Variants in KMT2C observed in about 807,000 individuals in gnomAD.
KMT2C encodes the protein lysine methyltransferase 2C.
A neutral mutation model predicts 507.9 loss-of-function variants in KMT2C; 88 were observed. The ratio of observed to expected loss-of-function variants is 0.17; its 90% CI spans 0.15 to 0.21. The LOEUF is 0.21. Among genes scored for constraint, KMT2C ranks in the 10% least tolerant of loss-of-function variants. The pLI is 1.00. For synonymous variants in KMT2C, 2,049 were observed against 2,080.8 expected (o/e 0.98, Z 0.42); for missense variants, 4,954 against 5,957.8 (o/e 0.83, Z 5.55).
chr7:152,190,386 T>C (rs1009882893), intron 31 of KMT2C, among the ~76,000 whole-genome samples: 2 of 152,174 alleles, frequency 1.3e-5, no homozygotes, highest in Non-Finnish European at 2.9e-5. Context: ...CTTTTCCCAA[T>C]AGTAATATTA....
At chr7:152,203,531 T>C (rs2094207187) in intron 25 of KMT2C, among the ~76,000 whole-genome samples, 2 of 152,288 alleles carry the variant, frequency 1.3e-5, no homozygotes, top group Admixed American at 6.5e-5. Context: ...AAATTATTTG[T>C]AGGATATACA....
intron 11 of KMT2C, among the ~76,000 whole-genome samples, chr7:152,251,398 G>A (rs572160185): frequency 2.5e-4 from 38 of 152,302 alleles, no homozygotes; most frequent in African/African-American, 9.1e-4. Context: ...AGTTATCCTT[G>A]AAGATGATAA....
intron 14 of KMT2C, among the ~76,000 whole-genome samples, chr7:152,242,631 C>A (rs1394154453): frequency 5.3e-5 from 8 of 152,156 alleles, no homozygotes; most frequent in Non-Finnish European, 8.8e-5. Context: ...AGGCCAATTT[C>A]TCAGGTAAAC....
chr7:152,178,428 T>C (rs2093306313), intron 37 of KMT2C, among the ~76,000 whole-genome samples: 1 of 152,334 alleles, frequency 6.6e-6, no homozygotes, highest in Non-Finnish European at 1.5e-5. Flanking sequence ...TAGGTCTTCA[T>C]ACCTATTGAG....
chr7:152,420,280 G>C (rs10281573), intron 1 of KMT2C, among the ~76,000 whole-genome samples: 1 of 152,158 alleles, frequency 6.6e-6, no homozygotes, highest in African/African-American at 2.4e-5. Flanking sequence ...CACCCACACC[G>C]ATCTGTGATG....
intron 1 of KMT2C, among the ~76,000 whole-genome samples, chr7:152,419,012 A>C (rs1056118817): frequency 6.6e-6 from 1 of 151,874 alleles, no homozygotes; most frequent in Non-Finnish European, 1.5e-5. Context: ...TGGGTGACAT[A>C]GTGAGACGAC....
intron 1 of KMT2C, among the ~76,000 whole-genome samples, chr7:152,425,437 G>T (rs539900563): frequency 6.6e-6 from 1 of 152,114 alleles, no homozygotes; most frequent in Non-Finnish European, 1.5e-5. Flanking sequence ...TTAGCCAGGC[G>T]TGGTGGAGGG....
chr7:152,224,065 A>G lies in KMT2C; in HGVS notation c.3273T>C (p.Tyr1091=). 6.2e-7 allele frequency: 1 copy of G among 1,611,410 alleles called. No individual in the cohort carries two copies. The highest frequency in any genetic ancestry group is 8.5e-7 in the Non-Finnish European group (1 of 1,179,326). The stretch of plus-strand genomic sequence containing the variant: ...TAAGATCTTCTTCTCTATAGTTTCG[A>G]TAGCAGACTGGACAGGAAGATAAGC... ...CASLSSCPVC[Y]RNYREEDLIL... The change falls in exon 20 of 59, where the codon TAT becomes TAC. Residue 1091 remains tyrosine, a synonymous_variant. Coordinates refer to ENST00000262189, the MANE Select transcript of KMT2C (RefSeq NM_170606.3).
chr7:152,360,424 G>A (rs1487851387), intron 1 of KMT2C, among the ~76,000 whole-genome samples: 3 of 151,084 alleles, frequency 2.0e-5, no homozygotes, highest in Non-Finnish European at 2.9e-5. Flanking sequence ...GGTGCAGTGA[G>A]CCGAGATCAC....
chr7:152,319,889 T>TGTGACCCAC (rs1464705547), intron 3 of KMT2C, among the ~76,000 whole-genome samples: 1 of 152,152 alleles, frequency 6.6e-6, no homozygotes, highest in Non-Finnish European at 1.5e-5. Flanking sequence ...CCACTGGACA[T>TGTGACCCAC]GTGACCCACG....
chr7:152,398,429 T>C (rs971301187), intron 1 of KMT2C, among the ~76,000 whole-genome samples: 8 of 152,168 alleles, frequency 5.3e-5, no homozygotes, highest in African/African-American at 1.2e-4. Flanking sequence ...ATCATAAAAA[T>C]GGATATAAGT....
intron 27 of KMT2C, among the ~76,000 whole-genome samples, chr7:152,196,564 T>C (rs1159917409): frequency 6.6e-6 from 1 of 152,154 alleles, no homozygotes; most frequent in African/African-American, 2.4e-5. Context: ...TGTCTATGGA[T>C]CACGTATCAG....
chr7:152,182,608 AAAG>A lies in KMT2C; in HGVS notation c.5266-17_5266-15del. The A allele has an allele frequency of 2.0e-6, 3 of 1,531,256 alleles. No individual in the cohort carries two copies. The highest frequency in any genetic ancestry group is 2.6e-6 in the Non-Finnish European group (3 of 1,141,536). 94.9% of individuals were successfully genotyped at this position (1,531,256 alleles called of 1,614,324 possible). A position where few individuals can be genotyped will look rare whatever the true frequency, so the allele number is the denominator to read the frequency against. The stretch of plus-strand genomic sequence containing the variant: ...CTGACGCATTTGCTATTAAAATAGA[AAAG>A]AAAAAGCAATCATATTTAGGTTAAG... On this transcript the variant is annotated splice_polypyrimidine_tract_variant and intron_variant, in intron 35 of 58. Transcript: ENST00000262189.
chr7:152,424,940 GACA>G (rs1299060339), intron 1 of KMT2C, among the ~76,000 whole-genome samples: 2 of 152,160 alleles, frequency 1.3e-5, no homozygotes, highest in East Asian at 3.9e-4. Flanking sequence ...GAAGCTGCCT[GACA>G]TGCTCAAGGC....
At chr7:152,271,688 A>C (rs1411673380) in intron 7 of KMT2C, among the ~76,000 whole-genome samples, 7 of 151,510 alleles carry the variant, frequency 4.6e-5, no homozygotes, top group East Asian at 3.9e-4. Context: ...AAAAAAAAAA[A>C]AAAAAAACCC....
intron 3 of KMT2C, among the ~76,000 whole-genome samples, chr7:152,327,444 G>A (rs1040717393): frequency 6.6e-6 from 1 of 152,162 alleles, no homozygotes; most frequent in African/African-American, 2.4e-5. Context: ...AGTAGGCCTA[G>A]AGGATACAGA....
At chr7:152,164,019 C>G (rs2092598349) in intron 42 of KMT2C, among the ~76,000 whole-genome samples, 193 bp from the exon 43 acceptor site, 2 of 152,108 alleles carry the variant, frequency 1.3e-5, no homozygotes. Flanking sequence ...CTGTCAATCT[C>G]TTTAACAACA....
Position 152,194,296 on chromosome 7 carries a change from C to T in KMT2C, c.4508-35G>A, listed in dbSNP as rs1159155698. The T allele has an allele frequency of 4.4e-6, 6 of 1,354,518 alleles. No homozygotes were observed. In the African/African-American group the frequency reaches 7.6e-5, roughly 17 times the overall value. 83.9% of individuals were successfully genotyped at this position (1,354,518 alleles called of 1,614,324 possible). On this transcript the variant is annotated intron_variant, in intron 29 of 58. Coordinates refer to ENST00000262189, the MANE Select transcript of KMT2C (RefSeq NM_170606.3). The stretch of plus-strand genomic sequence containing the variant: ...ATTAAAAAAAAAAAAGAAACATTAA[C>T]AGCTACTAATTCAATATACTGATAT...
chr7:152,172,251 A>C (rs944945524), intron 39 of KMT2C, among the ~76,000 whole-genome samples: 2 of 152,186 alleles, frequency 1.3e-5, no homozygotes, highest in African/African-American at 4.8e-5. Context: ...ACACTACTCT[A>C]AGAAGGGACT....
Sources: allele counts gnomAD v4.1 joint callset (sites outside exome capture counted in the v4.1 genomes callset), GRCh38; gene constraint gnomAD v4.1.1; transcripts MANE v1.5; gene names NCBI Gene and HGNC (gene_info 2026-07-23, HGNC 2026-07-21).